Variants in NELL2 observed in about 807,000 individuals in gnomAD.
The protein encoded by NELL2 is neural EGFL like 2.
A neutral mutation model predicts 109.6 loss-of-function variants in NELL2; 41 were observed. The observed-to-expected ratio is 0.37, with a 90% CI of 0.29 to 0.49. NELL2 has a LOEUF of 0.49. Ranked by LOEUF, NELL2 falls within the 20% of genes least tolerant of loss-of-function variation. The probability of loss-of-function intolerance (pLI) is 0.98; values close to 1 mark genes in which losing one functional copy is unlikely to be tolerated. For synonymous variants in NELL2, 355 were observed against 344.7 expected (o/e 1.03, Z -0.33); for missense variants, 900 against 1,008.3 (o/e 0.89, Z 1.45).
At chr12:44,807,556 A>C (rs1413661116) in intron 3 of NELL2, among the ~76,000 whole-genome samples, 1 of 151,954 alleles carries the variant, frequency 6.6e-6, no homozygotes, top group Non-Finnish European at 1.5e-5. Flanking sequence ...GAAAATAATA[A>C]AGTCACAAAT....
chr12:44,584,998 T>C (rs932013881), intron 15 of NELL2, among the ~76,000 whole-genome samples: 5 of 152,244 alleles, frequency 3.3e-5, no homozygotes. Flanking sequence ...TTTGTGACTT[T>C]GTCCAAACAG....
chr12:44,771,028 C>A, intron 9 of NELL2, among the ~76,000 whole-genome samples: 1 of 151,272 alleles, frequency 6.6e-6, no homozygotes. Context: ...TTTTTTAAAC[C>A]TGGGTTGAGA....
In NELL2 at chr12:44,844,382, A is replaced by G. The variant is rs140008313; in HGVS notation, c.185-28246T>C. ...ATAAAAAGGGACAAACTTCAGATGT[A>G]TAACAACATGGATGAATCTCAAAAA... On this transcript the variant is annotated intron_variant, in intron 2 of 19. Coordinates refer to ENST00000429094, the MANE Select transcript of NELL2 (RefSeq NM_001145108.2). Among the ~76,000 whole-genome samples the G allele has an allele frequency of 3.1e-3, 465 of 152,402 alleles. 3 individuals are homozygous for G. Among genetic ancestry groups the G allele is most frequent in the African/African-American group, 0.011 (438 of 41,602 alleles).
intron 2 of NELL2, among the ~76,000 whole-genome samples, chr12:44,837,633 T>G (rs1345837698): frequency 2.0e-5 from 3 of 152,202 alleles, no homozygotes; most frequent in Non-Finnish European, 4.4e-5. Flanking sequence ...TCACCATAGC[T>G]GTAGATCTCA....
intron 3 of NELL2, among the ~76,000 whole-genome samples, chr12:44,802,549 A>G (rs1349380567): frequency 1.3e-5 from 2 of 152,122 alleles, no homozygotes; most frequent in Non-Finnish European, 2.9e-5. Flanking sequence ...AAGCCAGGCA[A>G]ATCATCTTTA....
At chr12:44,528,036 T>G (rs1941870631) in intron 16 of NELL2, among the ~76,000 whole-genome samples, 1 of 136,788 alleles carries the variant, frequency 7.3e-6, no homozygotes, top group South Asian at 2.3e-4. Context: ...GGAGCTTGCT[T>G]GCAGTGAGCC....
chr12:44,703,106 C>T (rs1002792063), intron 12 of NELL2, among the ~76,000 whole-genome samples: 2 of 152,186 alleles, frequency 1.3e-5, no homozygotes, highest in African/African-American at 2.4e-5. Flanking sequence ...ATTACCACAT[C>T]TCATGGACTT....
rs567663233 is a variant in NELL2, at chr12:44,587,986, C to G, written c.1663+19183G>C. ...CTAACATGGTGAAACCCCGTCTCTA[C>G]TAAAAATACAAAAAATTAGCCAGGC... On this transcript the variant is annotated intron_variant, in intron 15 of 19. Transcript: ENST00000429094. 2.6e-4 allele frequency among the ~76,000 whole-genome samples: 39 copies of G among 152,110 alleles called. No homozygotes were observed. The East Asian group carries it at 3.7e-3, about 14-fold the overall frequency.
intron 2 of NELL2, among the ~76,000 whole-genome samples, chr12:44,837,142 G>GT (rs1443008313): frequency 6.6e-6 from 1 of 152,242 alleles, no homozygotes; most frequent in Non-Finnish European, 1.5e-5. Flanking sequence ...TGCTTACTAT[G>GT]TGAGGCACTT....
chr12:44,709,605 T>C lies in NELL2; in HGVS notation c.1189+1687A>G, dbSNP rs192043509. Among the ~76,000 whole-genome samples the C allele has an allele frequency of 8.5e-5, 13 of 152,312 alleles. No individual in the cohort carries two copies. In the East Asian group the frequency reaches 2.1e-3, roughly 25 times the overall value. ...CACTGAGATTTGGAGCAGCAATAGA[T>C]AGTTTTTTTGCAGAAATAGAGAACT... On this transcript the variant is annotated intron_variant, in intron 11 of 19. Coordinates refer to ENST00000429094, the MANE Select transcript of NELL2 (RefSeq NM_001145108.2).
At chr12:44,674,264 TC>T (rs1948235181) in intron 12 of NELL2, among the ~76,000 whole-genome samples, 1 of 152,116 alleles carries the variant, frequency 6.6e-6, no homozygotes, top group African/African-American at 2.4e-5. Context: ...AAATTAAAAA[TC>T]CAAGATATAT....
At position 44,876,114 on chromosome 12, in the gene NELL2, G is replaced by T. The variant is rs774053985; in HGVS notation, c.-245C>A. 1.1e-5 allele frequency: 15 copies of T among 1,316,162 alleles called. No homozygotes were observed. In the East Asian group the frequency reaches 3.6e-4, roughly 31 times the overall value. 81.5% of individuals were successfully genotyped at this position (1,316,162 alleles called of 1,614,324 possible). A position where few individuals can be genotyped will look rare whatever the true frequency, so the allele number is the denominator to read the frequency against. ...ACACGCAGGGCCGAGGCGGCAGCGC[G>T]GCCCGGAGGGGGCCCGGAGGGAGGG... On this transcript the variant is annotated 5_prime_UTR_variant, in exon 1 of 20. Coordinates refer to ENST00000429094, the MANE Select transcript of NELL2 (RefSeq NM_001145108.2).
At chr12:44,686,577 G>A (rs1948723542) in intron 12 of NELL2, among the ~76,000 whole-genome samples, 2 of 151,994 alleles carry the variant, frequency 1.3e-5, no homozygotes, top group South Asian at 2.1e-4. Context: ...TGATGGTGAT[G>A]TACAGATAGG....
Position 44,777,182 on chromosome 12 carries a change from T to A in NELL2, c.680-58A>T, listed in dbSNP as rs1787818136. 21 of 1,608,566 alleles carry A rather than the reference T, an allele frequency of 1.3e-5. No homozygotes were observed. In the Admixed American group the frequency reaches 2.7e-4, roughly 20 times the overall value. ...GCATTTATAAGGGGTTCAATCTGGT[T>A]AAGTCTATGCTGACAAGTAATATAT... On this transcript the variant is annotated intron_variant, in intron 6 of 19. Coordinates refer to ENST00000429094, the MANE Select transcript of NELL2 (RefSeq NM_001145108.2).
At chr12:44,861,989 A>G (rs1944856670) in intron 2 of NELL2, among the ~76,000 whole-genome samples, 1 of 152,216 alleles carries the variant, frequency 6.6e-6, no homozygotes. Context: ...TAACACCACC[A>G]AAAGTGCACA....
chr12:44,628,858 C>T (rs139191001), intron 13 of NELL2, among the ~76,000 whole-genome samples: 1 of 152,136 alleles, frequency 6.6e-6, no homozygotes, highest in Non-Finnish European at 1.5e-5. Context: ...ACCTTTCAGA[C>T]TAAAGGACTA....
intron 2 of NELL2, among the ~76,000 whole-genome samples, chr12:44,859,827 C>G (rs1944786203): frequency 6.6e-6 from 1 of 152,174 alleles, no homozygotes; most frequent in Admixed American, 6.5e-5. Context: ...CAGAGCCTGT[C>G]AAGATTGCTC....
At chr12:44,916,587 C>T (rs553245919), upstream of NELL2, among the ~76,000 whole-genome samples, 8 of 152,194 alleles carry the variant, frequency 5.3e-5, no homozygotes, top group Admixed American at 4.6e-4. Flanking sequence ...TCCATCACAC[C>T]TTCCTTGCAC....
At chr12:44,668,675 A>C (rs1948028977) in intron 12 of NELL2, among the ~76,000 whole-genome samples, 1 of 151,876 alleles carries the variant, frequency 6.6e-6, no homozygotes, top group Non-Finnish European at 1.5e-5. Flanking sequence ...CACGCACACT[A>C]TCCAGGGACA....
Sources: allele counts gnomAD v4.1 joint callset (sites outside exome capture counted in the v4.1 genomes callset), GRCh38; gene constraint gnomAD v4.1.1; transcripts MANE v1.5; gene names NCBI Gene and HGNC (gene_info 2026-07-23, HGNC 2026-07-21).